The following GPR15LG variants were observed in gnomAD, a reference collection of about 807,000 sequenced individuals.
GPR15LG encodes protein GPR15LG.
At chr10:84,178,126 G>A in the GPR15LG span, among the ~76,000 whole-genome samples, 5 of 148,190 alleles carry the variant, frequency 3.4e-5, no homozygotes, top group African/African-American at 7.5e-5. Context: ...CACAACACAC[G>A]GTATAGTGAT....
chr10:84,176,332 G>A, the GPR15LG span: 1 of 681,464 alleles, frequency 1.5e-6, no homozygotes, highest in South Asian at 1.6e-5. Flanking sequence ...TCACAACAAG[G>A]CCCACTCTTT....
the GPR15LG span, among the ~76,000 whole-genome samples, chr10:84,174,589 G>A: frequency 6.7e-6 from 1 of 150,344 alleles, no homozygotes; most frequent in Non-Finnish European, 1.5e-5. Context: ...CGCCTCCTGG[G>A]TTCAAGCAAT....
At chr10:84,174,032 T>G in the GPR15LG span, 1 of 832,608 alleles carries the variant, frequency 1.2e-6, no homozygotes, top group African/African-American at 1.7e-5. Flanking sequence ...TGGCAGGCAG[T>G]CCTGAGCCCC....
At chr10:84,177,682 A>G in the GPR15LG span, among the ~76,000 whole-genome samples, 1 of 152,188 alleles carries the variant, frequency 6.6e-6, no homozygotes, top group Middle Eastern at 3.2e-3. Context: ...CCAGCCGGCC[A>G]GGATAAAAAT....
chr10:84,180,105 G>A, the GPR15LG span, among the ~76,000 whole-genome samples: 1 of 152,170 alleles, frequency 6.6e-6, no homozygotes, highest in Non-Finnish European at 1.5e-5. Flanking sequence ...CTGCCTTCAA[G>A]CATCTGTTTA....
the GPR15LG span, among the ~76,000 whole-genome samples, chr10:84,183,714 A>G: frequency 2.0e-5 from 3 of 151,928 alleles, no homozygotes; most frequent in African/African-American, 7.2e-5. Context: ...TGGCTCAATT[A>G]TGGCTCACCA....
chr10:84,182,325 C>T, the GPR15LG span, among the ~76,000 whole-genome samples: 5 of 152,336 alleles, frequency 3.3e-5, no homozygotes, highest in South Asian at 1.0e-3. Context: ...ATCTGTTAGC[C>T]ATAGCTGCAG....
At chr10:84,176,718 C>G in the GPR15LG span, 3 of 603,178 alleles carry the variant, frequency 5.0e-6, no homozygotes, top group South Asian at 2.0e-5. Context: ...TTTGTTGACT[C>G]CCCCCCAAAA....
At chr10:84,177,637 T>C in the GPR15LG span, among the ~76,000 whole-genome samples, 1 of 152,168 alleles carries the variant, frequency 6.6e-6, no homozygotes, top group Non-Finnish European at 1.5e-5. Flanking sequence ...CTCCCGGAGA[T>C]GCTGACAGCC....
chr10:84,179,841 T>C, the GPR15LG span, among the ~76,000 whole-genome samples: 18 of 151,468 alleles, frequency 1.2e-4, no homozygotes, highest in Admixed American at 2.0e-4. Context: ...GCTGATTTGC[T>C]GAATTTATTA....
chr10:84,184,936 T>C, the GPR15LG span: 3 of 1,465,058 alleles, frequency 2.0e-6, no homozygotes, highest in East Asian at 7.7e-5. Context: ...CACGTCCTTG[T>C]CTCAATTGTG....
chr10:84,183,475 C>T, the GPR15LG span, among the ~76,000 whole-genome samples: 1 of 152,050 alleles, frequency 6.6e-6, no homozygotes, highest in Non-Finnish European at 1.5e-5. Context: ...TTCGTACAAA[C>T]GTGTTTACCT....
the GPR15LG span, among the ~76,000 whole-genome samples, chr10:84,180,493 G>C: frequency 1.3e-5 from 2 of 151,428 alleles, no homozygotes; most frequent in East Asian, 3.9e-4. Context: ...CAGATGGGGC[G>C]GTGGGGCAGA....
the GPR15LG span, among the ~76,000 whole-genome samples, chr10:84,182,385 A>G: frequency 6.6e-6 from 1 of 152,132 alleles, no homozygotes; most frequent in Non-Finnish European, 1.5e-5. Context: ...TATTCTTTTC[A>G]ATGAGTCTAC....
At chr10:84,173,804 T>C in the GPR15LG span, 2 of 1,367,322 alleles carry the variant, frequency 1.5e-6, no homozygotes, top group Non-Finnish European at 2.1e-6. Flanking sequence ...AGGGAGGACT[T>C]CTGCAGCACA....
the GPR15LG span, among the ~76,000 whole-genome samples, chr10:84,183,910 C>A: frequency 6.6e-6 from 1 of 152,156 alleles, no homozygotes; most frequent in African/African-American, 2.4e-5. Context: ...CCTCCCAAAC[C>A]GCTAGGATTA....
At chr10:84,182,690 G>T in the GPR15LG span, among the ~76,000 whole-genome samples, 4 of 152,170 alleles carry the variant, frequency 2.6e-5, no homozygotes, top group East Asian at 7.7e-4. Flanking sequence ...ATTCATTCTG[G>T]ACAAAACAAG....
chr10:84,183,474 A>T, the GPR15LG span, among the ~76,000 whole-genome samples: 2 of 152,134 alleles, frequency 1.3e-5, no homozygotes, highest in East Asian at 3.9e-4. Flanking sequence ...TTTCGTACAA[A>T]CGTGTTTACC....
At chr10:84,184,489 C>T in the GPR15LG span, among the ~76,000 whole-genome samples, 1 of 152,254 alleles carries the variant, frequency 6.6e-6, no homozygotes, top group Admixed American at 6.5e-5. Context: ...CTGGGCTGGT[C>T]TTGTTTGCCA....
Sources: allele counts gnomAD v4.1 joint callset (sites outside exome capture counted in the v4.1 genomes callset), GRCh38; gene constraint gnomAD v4.1.1; transcripts MANE v1.5; gene names NCBI Gene and HGNC (gene_info 2026-07-23, HGNC 2026-07-21).